Variants in LIMCH1 observed in about 807,000 individuals in gnomAD.
LIMCH1 encodes LIM and calponin homology domains 1.
LIMCH1 carries 113 observed loss-of-function variants against 176.5 expected under a neutral mutation model. The ratio of observed to expected loss-of-function variants is 0.64; its 90% confidence interval spans 0.55 to 0.75. The LOEUF (loss-of-function observed/expected upper bound fraction) is 0.75, where lower values mean the gene tolerates loss of function less well. Ranked by LOEUF, LIMCH1 falls within the 30% of genes least tolerant of loss-of-function variation. The pLI, the probability that LIMCH1 is intolerant of heterozygous loss-of-function variation, is 0.00. For synonymous variants in LIMCH1, 619 were observed against 645.9 expected, an observed-to-expected ratio of 0.96 and a Z score of 0.63; for missense variants, 1,674 against 1,814.9, an observed-to-expected ratio of 0.92 and a Z score of 1.41.
intron 12 of LIMCH1, 97 bp downstream of exon 12, chr4:41,633,182 C>A: frequency 1.2e-6 from 1 of 820,714 alleles, no homozygotes; most frequent in Non-Finnish European, 1.9e-6. Flanking sequence ...ACAGTCTGCA[C>A]CTGGCGACTG....
intron 1 of LIMCH1, among the ~76,000 whole-genome samples, chr4:41,438,556 C>G (rs950827491): frequency 6.6e-6 from 1 of 152,034 alleles, no homozygotes; most frequent in Admixed American, 6.6e-5. Context: ...CCAGGCTGAT[C>G]TTGAACTCCT....
chr4:41,627,117 C>T, intron 8 of LIMCH1, 107 bp downstream of exon 8: 1 of 1,372,884 alleles, frequency 7.3e-7, no homozygotes, highest in Non-Finnish European at 9.6e-7. Flanking sequence ...TGTACCCCCT[C>T]CAGTTCCTCT....
chr4:41,412,636 T>C (rs2059593605), intron 1 of LIMCH1, among the ~76,000 whole-genome samples: 1 of 152,224 alleles, frequency 6.6e-6, no homozygotes, highest in Non-Finnish European at 1.5e-5. Flanking sequence ...CATTATATTC[T>C]AATACCATCA....
intron 1 of LIMCH1, among the ~76,000 whole-genome samples, chr4:41,559,036 G>A (rs752839361): frequency 6.6e-6 from 1 of 152,082 alleles, no homozygotes. Context: ...TTGTCTTCGT[G>A]GCTGAAAAAA....
intron 6 of LIMCH1, chr4:41,620,185 C>G: frequency 2.2e-6 from 1 of 457,748 alleles, no homozygotes; most frequent in Non-Finnish European, 3.8e-6. Flanking sequence ...ACCTTTCCAG[C>G]AGAAAAGGTT....
intron 18 of LIMCH1, among the ~76,000 whole-genome samples, chr4:41,658,265 G>A (rs1209284773): frequency 6.6e-6 from 1 of 152,208 alleles, no homozygotes; most frequent in African/African-American, 2.4e-5. Context: ...GCACTGACAC[G>A]TGGCAAGTGC....
rs199843076 is a variant in LIMCH1 at position 41,697,189 on chromosome 4, G to C, written c.*4G>C. ...CGGGCAGCCTACAACATTGTGACAC[G>C]GCTTTCAAGCTTCCGGATCACTCAC... On this transcript the variant is annotated 3_prime_UTR_variant, in exon 32 of 32. Coordinates refer to ENST00000503057, the MANE Select transcript of LIMCH1 (RefSeq NM_001330672.2). 6 of 1,613,348 alleles carry C rather than the reference G, an allele frequency of 3.7e-6. No homozygotes were observed. The South Asian group carries it at 6.6e-5, about 18-fold the overall frequency.
chr4:41,566,917 C>T (rs1467879372), intron 1 of LIMCH1, among the ~76,000 whole-genome samples: 2 of 152,176 alleles, frequency 1.3e-5, no homozygotes, highest in African/African-American at 4.8e-5. Flanking sequence ...GACTGGGCAG[C>T]TTCATCATGA....
At chr4:41,592,866 A>G (rs558873821) in intron 1 of LIMCH1, among the ~76,000 whole-genome samples, 2 of 152,282 alleles carry the variant, frequency 1.3e-5, no homozygotes, top group East Asian at 1.9e-4. Context: ...TCTATTTTCT[A>G]ATTTGATGTC....
rs752441024 is a variant in LIMCH1 at position 41,360,920 on chromosome 4, C to A, written c.80C>A (p.Ala27Glu). 4 of 1,584,892 alleles carry A rather than the reference C, an allele frequency of 2.5e-6. No homozygotes were observed. In the South Asian group the frequency reaches 4.6e-5, roughly 18 times the overall value. The change falls in exon 1 of 27, where the codon GCG becomes GAG. Residue 27 changes from alanine to glutamate, a missense_variant. Coordinates refer to the LIMCH1 transcript ENST00000313860. This position sits in a 1 kb window ranked among gnomAD's most constrained non-coding sequence, Gnocchi z 4.5. The stretch of plus-strand genomic sequence containing the variant: ...CCCCCCGAGCCCGCCTTCTCCGAGG[C>A]GCAGAAGTGGATTGAGGTAGGTGCG...
chr4:41,427,466 A>G (rs1336408862), intron 1 of LIMCH1, among the ~76,000 whole-genome samples: 2 of 152,060 alleles, frequency 1.3e-5, no homozygotes, highest in Non-Finnish European at 2.9e-5. Context: ...CTCCTATCCT[A>G]CTGCCCTCTC....
At chr4:41,566,739 A>G (rs1273848342) in intron 1 of LIMCH1, among the ~76,000 whole-genome samples, 1 of 152,248 alleles carries the variant, frequency 6.6e-6, no homozygotes, top group Non-Finnish European at 1.5e-5. Context: ...TTTGATAAAC[A>G]TCTCATCATA....
At chr4:41,391,072 A>G (rs1049289417) in intron 1 of LIMCH1, among the ~76,000 whole-genome samples, 5 of 152,200 alleles carry the variant, frequency 3.3e-5, no homozygotes, top group African/African-American at 1.2e-4. Context: ...CTATTGATTA[A>G]ACACATTTAA....
chr4:41,480,651 C>A (rs1413662231), intron 1 of LIMCH1, among the ~76,000 whole-genome samples: 1 of 152,100 alleles, frequency 6.6e-6, no homozygotes, highest in Non-Finnish European at 1.5e-5. Context: ...CAACATGATA[C>A]CCAGGTAACA....
intron 1 of LIMCH1, among the ~76,000 whole-genome samples, chr4:41,558,279 G>A (rs2081564803): frequency 6.6e-6 from 1 of 152,100 alleles, no homozygotes; most frequent in Non-Finnish European, 1.5e-5. Flanking sequence ...GTCTCTTAGA[G>A]TTGTAAAGGC....
rs569526964 is a variant in LIMCH1, at chr4:41,530,961, T to G, written c.237+6483T>G. Among the ~76,000 whole-genome samples, 172 of 151,474 alleles carry G rather than the reference T, an allele frequency of 1.1e-3. No individual in the cohort carries two copies. In the South Asian group the frequency reaches 0.012, roughly 11 times the overall value. On this transcript the variant is annotated intron_variant, in intron 3 of 26. Transcript: ENST00000313860. The stretch of plus-strand genomic sequence containing the variant: ...TGCAGTGCTAGATCATCCTTCCTAA[T>G]CTTTACAACACACCTGTGATGTTGT...
chr4:41,427,626 T>A (rs200948557), intron 1 of LIMCH1, among the ~76,000 whole-genome samples: 1 of 152,206 alleles, frequency 6.6e-6, no homozygotes, highest in Non-Finnish European at 1.5e-5. Flanking sequence ...AAAACATCAA[T>A]GTTGATTGTT....
chr4:41,524,506 TC>T, intron 3 of LIMCH1: 6 of 1,540,524 alleles, frequency 3.9e-6, no homozygotes, highest in Non-Finnish European at 4.5e-6. Context: ...AGATTTATTT[TC>T]CAATATTCCT....
At chr4:41,574,271 TCCCCTCCCCTCCCCTCCCCTC>T (rs2084072093) in intron 1 of LIMCH1, among the ~76,000 whole-genome samples, 1 of 6,576 alleles carries the variant, frequency 1.5e-4, no homozygotes, top group Non-Finnish European at 2.9e-4. Context: ...TCCCCTCCCC[TCCCCTCCCCTCCCCTCCCCTC>T]CCCTCCCCTC....
Sources: allele counts gnomAD v4.1 joint callset (sites outside exome capture counted in the v4.1 genomes callset), GRCh38; gene constraint gnomAD v4.1.1; non-coding constraint Gnocchi (gnomAD v3.1); transcripts MANE v1.5; gene names NCBI Gene and HGNC (gene_info 2026-07-23, HGNC 2026-07-21).